The following ITPK1 variants were observed in gnomAD, a reference collection of about 807,000 sequenced individuals.
The protein encoded by ITPK1 is inositol-tetrakisphosphate 1-kinase, also known as inositol 1,3,4-trisphosphate 5/6-kinase.
ITPK1 carries 21 observed loss-of-function variants against 45.3 expected under a neutral mutation model. That is an observed-to-expected ratio of 0.46 (90% CI 0.33 to 0.67). The LOEUF (loss-of-function observed/expected upper bound fraction) is 0.67, where lower values mean the gene tolerates loss of function less well. Ranked by LOEUF, ITPK1 falls within the 30% of genes least tolerant of loss-of-function variation. ITPK1 has a pLI of 0.02. For missense variants in ITPK1, 474 were observed against 573.5 expected, an observed-to-expected ratio of 0.83 and a Z score of 1.77; for synonymous variants, 258 against 253.6, an observed-to-expected ratio of 1.02 and a Z score of -0.16.
In ITPK1 at chr14:92,950,482, C is replaced by T. The variant is rs1404053715; in HGVS notation, c.738+1464G>A. On this transcript the variant is annotated intron_variant, in intron 9 of 10. Transcript: ENST00000267615. ...TCAGTCCTGGCAGATTCCTGACTAG[C>T]AGCCATGTGCTGAGGGAAGGAGGAG... Among the ~76,000 whole-genome samples the T allele has an allele frequency of 2.6e-5, 4 of 152,246 alleles. No homozygotes were observed. In the East Asian group the frequency reaches 7.7e-4, roughly 29 times the overall value.
intron 3 of ITPK1, among the ~76,000 whole-genome samples, chr14:93,040,485 G>A (rs1002881760): frequency 6.6e-6 from 1 of 152,114 alleles, no homozygotes; most frequent in Admixed American, 6.5e-5. Flanking sequence ...GAGCACACAT[G>A]GTCCCCTGCC....
At chr14:93,041,617 C>G (rs1322772861) in intron 3 of ITPK1, among the ~76,000 whole-genome samples, 1 of 152,228 alleles carries the variant, frequency 6.6e-6, no homozygotes, top group African/African-American at 2.4e-5. Flanking sequence ...GCAGGCAAGG[C>G]CCCTGCCCAG....
At chr14:93,096,795 A>C (rs1892099158) in intron 2 of ITPK1, among the ~76,000 whole-genome samples, 1 of 152,196 alleles carries the variant, frequency 6.6e-6, no homozygotes, top group Admixed American at 6.5e-5. Flanking sequence ...CTTCCAGCTG[A>C]GAAAAATGAA....
Position 92,958,396 on chromosome 14 carries a change from C to T in ITPK1, c.505-30G>A. 6.2e-7 allele frequency: 1 copy of T among 1,611,166 alleles called. No individual in the cohort carries two copies. Among genetic ancestry groups the T allele is most frequent in the South Asian group, 1.1e-5 (1 of 90,884 alleles). On this transcript the variant is annotated intron_variant, in intron 7 of 10. Coordinates refer to ENST00000267615, the MANE Select transcript of ITPK1 (RefSeq NM_014216.6). This position sits in a 1 kb window ranked among gnomAD's most constrained non-coding sequence, Gnocchi z 4.4. ...GAAGACAAGGGGTCAAAAGCTCTGT[C>T]AGAATCCACCACCTTCTCAGCCTCC...
In ITPK1 at chr14:92,966,143, G is replaced by A. The variant is rs148914082; in HGVS notation, c.365-3294C>T. Among the ~76,000 whole-genome samples, 345 of 151,334 alleles carry A rather than the reference G, an allele frequency of 2.3e-3. 2 individuals are homozygous for A. The highest frequency in any genetic ancestry group is 7.9e-3 in the African/African-American group (326 of 41,076). On this transcript the variant is annotated intron_variant, in intron 5 of 10. Coordinates refer to ENST00000267615, the MANE Select transcript of ITPK1 (RefSeq NM_014216.6). ...GGATCTTCCCCGCTCAGCCTTCTGA[G>A]TAACTGCACCACCATACCCAACTAA...
At chr14:92,962,719 C>CT in intron 6 of ITPK1, 32 bp downstream of exon 6, 1 of 1,526,944 alleles carries the variant, frequency 6.5e-7, no homozygotes, top group Non-Finnish European at 9.1e-7. Context: ...TCTACAGCGC[C>CT]TGCCCTCAGG....
intron 3 of ITPK1, among the ~76,000 whole-genome samples, chr14:93,026,514 G>A (rs376437799): frequency 6.6e-6 from 1 of 152,318 alleles, no homozygotes; most frequent in South Asian, 2.1e-4. Flanking sequence ...GTATCGGCCA[G>A]GGCTGGGGGG....
chr14:93,096,459 C>A (rs1204512779), intron 2 of ITPK1, among the ~76,000 whole-genome samples: 1 of 152,252 alleles, frequency 6.6e-6, no homozygotes, highest in Non-Finnish European at 1.5e-5. Flanking sequence ...TCTTGGCCAT[C>A]ACTTGGCCAC....
chr14:92,999,066 G>T (rs1159459319), intron 4 of ITPK1: 1 of 152,224 alleles, frequency 6.6e-6, no homozygotes, highest in African/African-American at 2.4e-5. Context: ...GACAGAAAAA[G>T]AAACAGATAA....
At chr14:93,020,600 C>T (rs1429537843) in intron 3 of ITPK1, among the ~76,000 whole-genome samples, 1 of 152,222 alleles carries the variant, frequency 6.6e-6, no homozygotes, top group East Asian at 1.9e-4. Context: ...TTGCACGTCG[C>T]TCCAGGATTG....
At chr14:92,987,308 G>A (rs1359861748) in intron 5 of ITPK1, among the ~76,000 whole-genome samples, 2 of 152,180 alleles carry the variant, frequency 1.3e-5, no homozygotes, top group East Asian at 3.9e-4. Flanking sequence ...GGGGGTGCAG[G>A]AAAGGGGACG....
chr14:93,101,862 C>A (rs962189550), intron 2 of ITPK1, among the ~76,000 whole-genome samples: 21 of 152,230 alleles, frequency 1.4e-4, no homozygotes, highest in African/African-American at 5.1e-4. Flanking sequence ...GCTATGAAAC[C>A]CCGGGAAAGT....
chr14:92,954,671 A>C (rs953932416), intron 8 of ITPK1, among the ~76,000 whole-genome samples: 5 of 152,202 alleles, frequency 3.3e-5, no homozygotes, highest in African/African-American at 1.2e-4. Context: ...TTAGCCCCCA[A>C]ACATCCCAGC....
At chr14:92,949,119 G>T (rs1325772603) in intron 9 of ITPK1, among the ~76,000 whole-genome samples, 2 of 151,018 alleles carry the variant, frequency 1.3e-5, no homozygotes, top group African/African-American at 4.9e-5. Context: ...TTTGAGACAG[G>T]GCCTTGCTCT....
intron 2 of ITPK1, among the ~76,000 whole-genome samples, chr14:93,114,635 G>A (rs1311900834): frequency 6.6e-6 from 1 of 152,226 alleles, no homozygotes; most frequent in Non-Finnish European, 1.5e-5. Context: ...GGGGCACATA[G>A]TAGGTGGTCC....
intron 5 of ITPK1, among the ~76,000 whole-genome samples, chr14:92,978,219 G>A (rs1373849087): frequency 6.6e-6 from 1 of 151,918 alleles, no homozygotes; most frequent in Non-Finnish European, 1.5e-5. Flanking sequence ...GATGGTTTAG[G>A]GTATCTGGTG....
At chr14:92,966,273 T>TGA (rs1385688614) in intron 5 of ITPK1, among the ~76,000 whole-genome samples, 1 of 152,190 alleles carries the variant, frequency 6.6e-6, no homozygotes, top group Non-Finnish European at 1.5e-5. Flanking sequence ...ATTACAGGTG[T>TGA]GAGCTACCAT....
At chr14:93,074,033 C>T (rs190889587) in intron 3 of ITPK1, among the ~76,000 whole-genome samples, 245 of 152,320 alleles carry the variant, frequency 1.6e-3, no homozygotes, top group Non-Finnish European at 2.6e-3. Flanking sequence ...GGAGATCCTG[C>T]GCACAGAAGC....
intron 4 of ITPK1, among the ~76,000 whole-genome samples, chr14:93,007,692 CA>C (rs1887691618): frequency 6.6e-6 from 1 of 152,138 alleles, no homozygotes. Flanking sequence ...ATCCTGCTGC[CA>C]GGGGTGACCT....
Sources: allele counts gnomAD v4.1 joint callset (sites outside exome capture counted in the v4.1 genomes callset), GRCh38; gene constraint gnomAD v4.1.1; non-coding constraint Gnocchi (gnomAD v3.1); transcripts MANE v1.5; gene names NCBI Gene and HGNC (gene_info 2026-07-23, HGNC 2026-07-21).